CEP170B: variants seen among roughly 807,000 people sequenced by gnomAD.
The protein encoded by CEP170B is centrosomal protein 170B.
Under a neutral mutation model 120.6 loss-of-function variants are expected in CEP170B, and 55 were observed. The ratio of observed to expected loss-of-function variants is 0.46; its 90% confidence interval spans 0.37 to 0.57. CEP170B has a LOEUF of 0.57. Ranked by LOEUF, CEP170B falls within the 20% of genes least tolerant of loss-of-function variation. The pLI is 0.00. For synonymous variants in CEP170B, 1,033 were observed against 954.5 expected (o/e 1.08, Z -1.52); for missense variants, 2,212 against 2,253.3 (o/e 0.98, Z 0.37).
rs1896983548 is a variant in CEP170B, at chr14:104,894,268, C to T, written c.4272-17C>T. 4 of 1,595,684 alleles carry T rather than the reference C, an allele frequency of 2.5e-6. No individual in the cohort carries two copies. The South Asian group carries it at 4.4e-5, about 18-fold the overall frequency. On this transcript the variant is annotated splice_polypyrimidine_tract_variant and intron_variant, in intron 16 of 18. Transcript: ENST00000414716. Reference sequence around the variant, plus strand: ...TGTCCTTGTCCCCCCATTTCTGCCTCCCCCTACCTCGGACAGGATCCTCTT... The same window carrying T: ...TGTCCTTGTCCCCCCATTTCTGCCTTCCCCTACCTCGGACAGGATCCTCTT...
At position 104,886,084 on chromosome 14, in the gene CEP170B, C is replaced by T; in HGVS notation, c.1989C>T (p.Ser663=). Residue 663 remains serine, a synonymous_variant, in exon 11 of 19, where the codon TCC becomes TCT. Coordinates refer to ENST00000414716, the MANE Select transcript of CEP170B (RefSeq NM_001112726.3). ...CCCCTGGGGGTCAGAAGTGGGTGTCCCGCTGGGCCAGCCTGGCTGACAGCT... is the reference window on the plus strand; with the variant it reads ...CCCCTGGGGGTCAGAAGTGGGTGTCTCGCTGGGCCAGCCTGGCTGACAGCT... ...PGSPGGQKWV[S]RWASLADSYS... is the part of the protein sequence containing the mutation. The T allele has an allele frequency of 6.5e-7, 1 of 1,547,070 alleles. No homozygotes were observed. Among genetic ancestry groups the T allele is most frequent in the Non-Finnish European group, 8.7e-7 (1 of 1,145,680 alleles).
At chr14:104,892,662 CGG>C (rs1896902051) in intron 13 of CEP170B, among the ~76,000 whole-genome samples, 1 of 152,254 alleles carries the variant, frequency 6.6e-6, no homozygotes, top group African/African-American at 2.4e-5. Context: ...CCTGGGGGGC[CGG>C]AGAGAGAGGA....
intron 2 of CEP170B, among the ~76,000 whole-genome samples, chr14:104,869,037 G>A (rs888806456): frequency 6.6e-6 from 1 of 152,148 alleles, no homozygotes; most frequent in South Asian, 2.1e-4. Context: ...GCCTTTTGGC[G>A]GCCTCCAGGC....
intron 13 of CEP170B, among the ~76,000 whole-genome samples, chr14:104,890,389 A>G (rs62646062): frequency 0.013 from 460 of 36,034 alleles, no homozygotes; most frequent in East Asian, 0.044. Flanking sequence ...TGGATGGATG[A>G]GTGGATGGAT....
intron 13 of CEP170B, among the ~76,000 whole-genome samples, chr14:104,890,250 GTGGATGGA>G (rs1156848046): frequency 8.1e-6 from 1 of 124,112 alleles, no homozygotes; most frequent in African/African-American, 3.1e-5. Context: ...GGGTGGGTGG[GTGGATGGA>G]TGGATGGATG....
rs1248347746 is a variant in CEP170B at position 104,886,065 on chromosome 14, G to C, written c.1970G>C (p.Gly657Ala). The change falls in exon 11 of 19, where the codon GGG (glycine) becomes GCG (alanine). Residue 657 changes from glycine to alanine, a missense_variant. Physicochemically the swap from Gly to Ala is moderately conservative, Grantham distance 60. Around this residue, in one of 2 missense-constraint regions of CEP170B, gnomAD observed 2,166 missense variants for 2,166.7 expected, o/e 1.00. Transcript: ENST00000414716. ...HQGLPVPGSP[G>A]GQKWVSRWAS... ...GGCCTCCCGGTGCCGGGCTCCCCTG[G>C]GGGTCAGAAGTGGGTGTCCCGCTGG... is the stretch of plus-strand genomic sequence containing the variant. 1.9e-6 allele frequency: 3 copies of C among 1,544,734 alleles called. No homozygotes were observed. Among genetic ancestry groups the C allele is most frequent in the Admixed American group, 2.0e-5 (1 of 50,246 alleles).
Position 104,885,391 on chromosome 14 carries a change from C to A in CEP170B, c.1793C>A (p.Pro598His). ...CAGGTCTTTGGGGTGTTGGAGTCCCCTGAACTCTCCAGGGCATCTTCGGCC... is the reference window on the plus strand; with the variant it reads ...CAGGTCTTTGGGGTGTTGGAGTCCCATGAACTCTCCAGGGCATCTTCGGCC... ...IDQVFGVLES[P>H]ELSRASSATF... The change falls in exon 10 of 19, where the codon CCT (proline) becomes CAT (histidine). Residue 598 changes from proline to histidine, a missense_variant. Around this residue, in one of 2 missense-constraint regions of CEP170B, gnomAD observed 2,166 missense variants for 2,166.7 expected, o/e 1.00. Coordinates refer to ENST00000414716, the MANE Select transcript of CEP170B (RefSeq NM_001112726.3). 1 of 1,569,556 alleles carries A rather than the reference C, an allele frequency of 6.4e-7. No homozygotes were observed. Among genetic ancestry groups the A allele is most frequent in the African/African-American group, 1.4e-5 (1 of 73,874 alleles).
At chr14:104,878,121 C>G (rs1399243122) in intron 4 of CEP170B, among the ~76,000 whole-genome samples, 158 bp downstream of exon 4, 1 of 151,886 alleles carries the variant, frequency 6.6e-6, no homozygotes, top group Non-Finnish European at 1.5e-5. Context: ...GCTGATGGAG[C>G]ACCCCAAGGA....
chr14:104,886,290 G>A lies in CEP170B; in HGVS notation c.2051G>A (p.Arg684His), dbSNP rs370908135. 1.3e-5 allele frequency: 20 copies of A among 1,541,402 alleles called. No individual in the cohort carries two copies. The highest frequency in any genetic ancestry group is 3.7e-5 in the South Asian group (3 of 81,672). The change falls in exon 12 of 19, where the codon CGT becomes CAT. Residue 684 changes from arginine to histidine, a missense_variant. Physicochemically the swap from Arg to His is conservative, Grantham distance 29. Transcript: ENST00000414716. ...TGCTCCACAGAGGATGGCCTGGGAC[G>A]TAGAGGCGGGGAGCCGGAGGGGTCC... ...DPGLTEDGLG[R>H]RGGEPEGSLP...
chr14:104,872,298 GC>G (rs1187926351), intron 2 of CEP170B, among the ~76,000 whole-genome samples: 3 of 132,036 alleles, frequency 2.3e-5, no homozygotes, highest in Non-Finnish European at 4.8e-5. Context: ...GCGTGTGTGT[GC>G]CATGGGTGTG....
chr14:104,896,366 C>T lies in CEP170B; in HGVS notation c.*1408C>T, dbSNP rs1459927895. 2.6e-5 allele frequency: 9 copies of T among 341,056 alleles called. No individual in the cohort carries two copies. The highest frequency in any genetic ancestry group is 4.1e-5 in the Non-Finnish European group (7 of 170,840). 21.1% of individuals were successfully genotyped at this position (341,056 alleles called of 1,614,324 possible). Reference sequence around the variant, plus strand: ...GTGGCAGGTGTCCCCCCCTGGTCCCCGCCCCAAGAGCCTGCTGTCTGTATG... The same window carrying T: ...GTGGCAGGTGTCCCCCCCTGGTCCCTGCCCCAAGAGCCTGCTGTCTGTATG... On this transcript the variant is annotated 3_prime_UTR_variant, in exon 19 of 19. Coordinates refer to ENST00000414716, the MANE Select transcript of CEP170B (RefSeq NM_001112726.3).
At chr14:104,865,030 C>T (rs1362381605), upstream of CEP170B, among the ~76,000 whole-genome samples, 1 of 103,046 alleles carries the variant, frequency 9.7e-6, no homozygotes. The surrounding 1 kb of genome is among the most constrained non-coding windows in gnomAD (Gnocchi z 6.7). Flanking sequence ...GGGAGGCCAG[C>T]GGGGCCTGGG....
chr14:104,878,017 C>G, intron 4 of CEP170B, 54 bp downstream of exon 4: 1 of 1,373,330 alleles, frequency 7.3e-7, no homozygotes, highest in Non-Finnish European at 1.0e-6. Context: ...TCCCCAGGAC[C>G]ACAGTCACCC....
At chr14:104,872,097 T>A (rs1032880994) in intron 2 of CEP170B, among the ~76,000 whole-genome samples, 1 of 152,050 alleles carries the variant, frequency 6.6e-6, no homozygotes, top group African/African-American at 2.4e-5. Context: ...TGGCCCAGGC[T>A]GTGGTCCAGG....
chr14:104,892,913 G>C, intron 13 of CEP170B, 63 bp from the exon 14 acceptor site: 1 of 1,528,934 alleles, frequency 6.5e-7, no homozygotes, highest in Non-Finnish European at 8.9e-7. Flanking sequence ...TTTGAGGCCT[G>C]TCTGGCCCCT....
Position 104,886,022 on chromosome 14 carries a change from C to A in CEP170B, c.1945-18C>A, listed in dbSNP as rs569219865. On this transcript the variant is annotated intron_variant, in intron 10 of 18. Coordinates refer to ENST00000414716, the MANE Select transcript of CEP170B (RefSeq NM_001112726.3). ...GTTGGGCTTGCGTGTGGAAACACTC[C>A]CACCCTCCTCTCCACAGGGCCTCCC... The A allele has an allele frequency of 2.0e-6, 3 of 1,521,392 alleles. No individual in the cohort carries two copies. Among genetic ancestry groups the A allele is most frequent in the Non-Finnish European group, 2.6e-6 (3 of 1,133,112 alleles). The allele number at this position is 1,521,392 out of a possible 1,614,324, so 94.2% of individuals were successfully genotyped here.
At position 104,886,690 on chromosome 14, in the gene CEP170B, G is replaced by A. The variant is rs1896532210; in HGVS notation, c.2451G>A (p.Gly817=). 1 of 1,558,506 alleles carries A rather than the reference G, an allele frequency of 6.4e-7. No individual in the cohort carries two copies. The highest frequency in any genetic ancestry group is 8.7e-7 in the Non-Finnish European group (1 of 1,153,404). The change falls in exon 12 of 19, where the codon GGG becomes GGA. Residue 817 remains glycine, a synonymous_variant. Coordinates refer to ENST00000414716, the MANE Select transcript of CEP170B (RefSeq NM_001112726.3). ...CTAGGAAACCGCTTGCGGCTCCAGGGGATGGGGAGGGCCTAGGGCAGACAG... is the reference window on the plus strand; with the variant it reads ...CTAGGAAACCGCTTGCGGCTCCAGGAGATGGGGAGGGCCTAGGGCAGACAG... ...VLSRKPLAAP[G]DGEGLGQTAQ...
rs561381694 is a variant in CEP170B at position 104,889,690 on chromosome 14, C to G, written c.3810C>G (p.Asp1270Glu). The change falls in exon 13 of 19, where the codon GAC (aspartate) becomes GAG (glutamate). Residue 1270 changes from aspartate to glutamate, a missense_variant. By Grantham distance (45) the Asp-to-Glu change is conservative. This residue lies in a region of CEP170B where 2,166 missense variants were observed against 2,166.7 expected (regional missense o/e 1.00). Coordinates refer to ENST00000414716, the MANE Select transcript of CEP170B (RefSeq NM_001112726.3). Reference sequence around the variant, plus strand: ...GGGCCCCCGGCCCCCGGGACACGGACGACGATGAGGAGGAGCCTGACCCTT... The same window carrying G: ...GGGCCCCCGGCCCCCGGGACACGGAGGACGATGAGGAGGAGCCTGACCCTT... ...RSRAPGPRDTDDDEEEPDPYG... is the reference protein window; with the variant it reads ...RSRAPGPRDTEDDEEEPDPYG... The G allele has an allele frequency of 1.2e-6, 2 of 1,612,110 alleles. No homozygotes were observed. Among genetic ancestry groups the G allele is most frequent in the Admixed American group, 1.7e-5 (1 of 59,988 alleles).
At chr14:104,877,055 A>G (rs1030359948) in intron 3 of CEP170B, among the ~76,000 whole-genome samples, 8 of 145,542 alleles carry the variant, frequency 5.5e-5, no homozygotes, top group Admixed American at 1.3e-4. Context: ...TTGTCCTGGG[A>G]CACTCTATCT....
Sources: gnomAD v4.1 joint callset for allele counts (sites outside exome capture counted in the v4.1 genomes callset) on GRCh38, gnomAD v4.1.1 for gene constraint, gnomAD v4.1.1 regional missense constraint, Gnocchi (gnomAD v3.1) non-coding constraint, MANE v1.5 for transcripts, NCBI Gene and HGNC (gene_info 2026-07-23, HGNC 2026-07-21) for gene names.